Variants in RASGRP1 observed in about 807,000 individuals in gnomAD.
RASGRP1 encodes the protein RAS guanyl-releasing protein 1.
Under a neutral mutation model 95.1 loss-of-function variants are expected in RASGRP1, and 37 were observed. The ratio of observed to expected loss-of-function variants is 0.39; its 90% CI spans 0.30 to 0.51. The LOEUF is 0.51. RASGRP1 is among the 20% of genes least tolerant of loss of function. RASGRP1 has a pLI of 0.80. For missense variants in RASGRP1, 711 were observed against 965.4 expected (o/e 0.74, Z 3.49); for synonymous variants, 325 against 353.4 (o/e 0.92, Z 0.90).
rs186206238 is a variant in RASGRP1, at chr15:38,500,490, G to A, written c.1684-351C>T. Among the ~76,000 whole-genome samples the A allele has an allele frequency of 9.9e-5, 15 of 152,172 alleles. No homozygotes were observed. In the South Asian group the frequency reaches 1.7e-3, roughly 17 times the overall value. On this transcript the variant is annotated intron_variant, in intron 13 of 16. Transcript: ENST00000310803. ...CCAAGTAGCTGGGACTACCAGGCAT[G>A]TTCCACCACACCTGGCTAAATTTTT...
chr15:38,500,918 T>A (rs1348968461), intron 13 of RASGRP1, among the ~76,000 whole-genome samples: 1 of 152,112 alleles, frequency 6.6e-6, no homozygotes, highest in Admixed American at 6.5e-5. Context: ...GCATTTCTGG[T>A]ACCATTTATC....
At chr15:38,512,254 A>T (rs1422123595) in intron 7 of RASGRP1, among the ~76,000 whole-genome samples, 2 of 152,214 alleles carry the variant, frequency 1.3e-5, no homozygotes, top group Non-Finnish European at 2.9e-5. Context: ...TTATTTTCCC[A>T]TGCAATGCCA....
At position 38,560,048 on chromosome 15, in the gene RASGRP1, C is replaced by G. The variant is rs1248440769; in HGVS notation, c.36-43G>C. On this transcript the variant is annotated intron_variant, in intron 1 of 16. Transcript: ENST00000310803. ...GCAGTGAGGGGACAAACGGGCAGCT[C>G]CACGCTCTGAAGGCAGATTGGAGAG... 4 of 1,511,096 alleles carry G rather than the reference C, an allele frequency of 2.6e-6. No individual in the cohort carries two copies. The South Asian group carries it at 4.6e-5, about 18-fold the overall frequency. The allele number at this position is 1,511,096 out of a possible 1,614,324, so 93.6% of individuals were successfully genotyped here. A position where few individuals can be genotyped will look rare whatever the true frequency, so the allele number is the denominator to read the frequency against.
At chr15:38,495,118 A>G (rs1318087296) in intron 15 of RASGRP1, among the ~76,000 whole-genome samples, 1 of 152,218 alleles carries the variant, frequency 6.6e-6, no homozygotes, top group African/African-American at 2.4e-5. Flanking sequence ...GAAATGCTCC[A>G]TAAATACTTT....
At chr15:38,498,659 G>A (rs1890892656) in intron 15 of RASGRP1, 135 bp downstream of exon 15, 1 of 1,073,268 alleles carries the variant, frequency 9.3e-7, no homozygotes, top group Non-Finnish European at 1.3e-6. Flanking sequence ...AAAACTGTGG[G>A]AGGGGTCAGC....
intron 2 of RASGRP1, among the ~76,000 whole-genome samples, chr15:38,546,307 T>A (rs1893102055): frequency 6.6e-6 from 1 of 152,220 alleles, no homozygotes; most frequent in Admixed American, 6.5e-5. Flanking sequence ...AACCTCTGCC[T>A]CCTGGGTTCA....
intron 15 of RASGRP1, among the ~76,000 whole-genome samples, chr15:38,495,341 A>T (rs1329036221): frequency 6.6e-6 from 1 of 152,218 alleles, no homozygotes; most frequent in Non-Finnish European, 1.5e-5. Flanking sequence ...GGTTTTCTTT[A>T]ACTAAGACCC....
intron 1 of RASGRP1, among the ~76,000 whole-genome samples, chr15:38,562,512 T>G (rs1893852320): frequency 6.6e-6 from 1 of 152,254 alleles, no homozygotes; most frequent in Admixed American, 6.5e-5. Context: ...TAGCCACTGC[T>G]GGGATTACTC....
At position 38,494,397 on chromosome 15, in the gene RASGRP1, G is replaced by A. The variant is rs1317366064; in HGVS notation, c.2244C>T (p.Tyr748=). 6.2e-7 allele frequency: 1 copy of A among 1,613,948 alleles called. No homozygotes were observed. Among genetic ancestry groups the A allele is most frequent in the Non-Finnish European group, 8.5e-7 (1 of 1,179,872 alleles). The change falls in exon 16 of 17, where the codon TAC becomes TAT. Residue 748 remains tyrosine (Y), a synonymous_variant. Coordinates refer to ENST00000310803, the MANE Select transcript of RASGRP1 (RefSeq NM_005739.4). ...EELRHLRLPT[Y]QELEQEINTL... ...AGGAAGGTACCTGTTCCAGTTCTTG[G>A]TAGGTAGGCAGTCTGAGGTGACGGA...
chr15:38,524,563 C>A (rs1244141106), intron 3 of RASGRP1: 1 of 152,244 alleles, frequency 6.6e-6, no homozygotes, highest in Non-Finnish European at 1.5e-5. Context: ...TGAGAAAAAG[C>A]CATTGGGCTT....
intron 2 of RASGRP1, among the ~76,000 whole-genome samples, chr15:38,554,650 C>T (rs941353314): frequency 1.3e-5 from 2 of 152,172 alleles, no homozygotes; most frequent in African/African-American, 2.4e-5. Context: ...GTGATGCCTG[C>T]TCATCAAAGA....
Position 38,526,513 on chromosome 15 carries a change from A to AT in RASGRP1, c.221-110dup, listed in dbSNP as rs1387389030. 8 of 732,876 alleles carry AT rather than the reference A, an allele frequency of 1.1e-5. No homozygotes were observed. The East Asian group carries it at 2.2e-4, about 20-fold the overall frequency. 45.4% of individuals were successfully genotyped at this position (732,876 alleles called of 1,614,324 possible). Reference sequence around the variant, plus strand: ...CAGGTGCAATCCTTCAGGCACAGTGATTTTCTTCCACTGCCCCTAGCACAG... The same window carrying AT: ...CAGGTGCAATCCTTCAGGCACAGTGATTTTTCTTCCACTGCCCCTAGCACAG... On this transcript the variant is annotated intron_variant, in intron 2 of 16. Transcript: ENST00000310803.
rs771354774 is a variant in RASGRP1 at position 38,559,841 on chromosome 15, T to G, written c.200A>C (p.Asp67Ala). Residue 67 changes from aspartate to alanine, a missense_variant, in exon 2 of 17, where the codon GAC becomes GCC. Physicochemically the swap from Asp to Ala is moderately radical, Grantham distance 126. Around this residue, in one of 3 missense-constraint regions of RASGRP1, gnomAD observed 491 missense variants for 676.6 expected, o/e 0.73. Transcript: ENST00000310803. The part of the protein sequence containing the change: ...AKGASLDDLI[D>A]SCIQSFDADG... ...CTTACCAAAAGATTGAATGCAGCTG[T>G]CAATGAGATCGTCCAGGCTGGCTCC... is the stretch of plus-strand genomic sequence containing the variant. 6.2e-7 allele frequency: 1 copy of G among 1,613,928 alleles called. No homozygotes were observed. Among genetic ancestry groups the G allele is most frequent in the Non-Finnish European group, 8.5e-7 (1 of 1,179,816 alleles).
At chr15:38,520,551 T>C (rs1891961843) in intron 3 of RASGRP1, among the ~76,000 whole-genome samples, 1 of 152,210 alleles carries the variant, frequency 6.6e-6, no homozygotes, top group South Asian at 2.1e-4. Flanking sequence ...TTGCAATATA[T>C]AATTAAGTGC....
chr15:38,504,892 G>T (rs1437687124), intron 10 of RASGRP1: 1 of 152,138 alleles, frequency 6.6e-6, no homozygotes, highest in East Asian at 1.9e-4. Flanking sequence ...GACCACTGTG[G>T]TATATGAGGT....
chr15:38,554,802 A>G (rs1893487301), intron 2 of RASGRP1, among the ~76,000 whole-genome samples: 1 of 152,154 alleles, frequency 6.6e-6, no homozygotes. Context: ...CATCCTTTAC[A>G]CGTGAAATCT....
intron 1 of RASGRP1, 113 bp downstream of exon 1, chr15:38,564,481 C>T: frequency 1.8e-6 from 2 of 1,089,254 alleles, no homozygotes; most frequent in South Asian, 8.1e-5. Flanking sequence ...CTCCGGCCGA[C>T]CCCGGCCCCC....
chr15:38,564,374 C>G (rs1032726184), intron 1 of RASGRP1, among the ~76,000 whole-genome samples: 4 of 152,130 alleles, frequency 2.6e-5, no homozygotes, highest in Non-Finnish European at 5.9e-5. Flanking sequence ...GCGGCCGCCC[C>G]TCTACCACCC....
At chr15:38,552,180 C>T (rs1220051790) in intron 2 of RASGRP1, among the ~76,000 whole-genome samples, 1 of 152,190 alleles carries the variant, frequency 6.6e-6, no homozygotes. Flanking sequence ...GAAAACTTCT[C>T]AACCACACTG....
Sources: allele counts gnomAD v4.1 joint callset (sites outside exome capture counted in the v4.1 genomes callset), GRCh38; gene constraint gnomAD v4.1.1; regional missense constraint gnomAD v4.1.1; transcripts MANE v1.5; gene names NCBI Gene and HGNC (gene_info 2026-07-23, HGNC 2026-07-21).